The following SLC35A5 variants were observed in gnomAD, a reference collection of about 807,000 sequenced individuals.
SLC35A5 encodes the protein UDP-sugar transporter protein SLC35A5.
A neutral mutation model predicts 36.3 loss-of-function variants in SLC35A5; 28 were observed. That is an observed-to-expected ratio of 0.77 (90% CI 0.57 to 1.06). The LOEUF is 1.06. Ranked by LOEUF, SLC35A5 falls within the 50% of genes least tolerant of loss-of-function variation. The pLI, the probability that SLC35A5 is intolerant of heterozygous loss-of-function variation, is 0.00. For synonymous variants in SLC35A5, 180 were observed against 173.7 expected (o/e 1.04, Z -0.29); for missense variants, 521 against 499.3 (o/e 1.04, Z -0.41).
chr3:112,575,136 C>T (rs1934609489), intron 5 of SLC35A5, among the ~76,000 whole-genome samples: 1 of 152,008 alleles, frequency 6.6e-6, no homozygotes, highest in African/African-American at 2.4e-5. Flanking sequence ...GATAGATTAG[C>T]GATGTACTTC....
At position 112,584,247 on chromosome 3, in the gene SLC35A5, T is replaced by A. The variant is rs922982348; in HGVS notation, c.*1511T>A. 1 of 152,194 alleles carries A rather than the reference T, an allele frequency of 6.6e-6. No individual in the cohort carries two copies. The highest frequency in any genetic ancestry group is 2.4e-5 in the African/African-American group (1 of 41,450). The allele number at this position is 152,194 out of a possible 1,614,324, so 9.4% of individuals were successfully genotyped here. A position where few individuals can be genotyped will look rare whatever the true frequency, so the allele number is the denominator to read the frequency against. ...GTGAGACAAAAACCTACACAACTTT[T>A]AAAACTTTCTCTTTAAGTAGATCTT... is the stretch of plus-strand genomic sequence containing the variant. On this transcript the variant is annotated 3_prime_UTR_variant, in exon 7 of 7. Transcript: ENST00000492406.
At chr3:112,563,682 C>G (rs1225177382) in intron 2 of SLC35A5, 149 bp downstream of exon 2, 2 of 860,924 alleles carry the variant, frequency 2.3e-6, no homozygotes, top group Non-Finnish European at 3.2e-6. Flanking sequence ...ATTATTTAAC[C>G]TTGCATTCCT....
intron 5 of SLC35A5, among the ~76,000 whole-genome samples, chr3:112,574,538 G>C (rs186404931): frequency 6.6e-6 from 1 of 152,070 alleles, no homozygotes; most frequent in Non-Finnish European, 1.5e-5. Flanking sequence ...AGTAAATTAA[G>C]CTCTCTTCAA....
At chr3:112,580,460 A>G in intron 5 of SLC35A5, 86 bp from the exon 6 acceptor site, 2 of 1,419,154 alleles carry the variant, frequency 1.4e-6, no homozygotes, top group African/African-American at 1.4e-5. Context: ...TTATTCAACC[A>G]AATACTCAAG....
rs2107449040 is a variant in SLC35A5 at position 112,581,144 on chromosome 3, A to G, written c.1027A>G (p.Ile343Val). The G allele has an allele frequency of 6.2e-7, 1 of 1,614,006 alleles. No homozygotes were observed. Among genetic ancestry groups the G allele is most frequent in the East Asian group, 2.2e-5 (1 of 44,870 alleles). Residue 343 changes from isoleucine to valine, a missense_variant, in exon 6 of 7, where the codon ATC becomes GTC. Coordinates refer to ENST00000492406, the MANE Select transcript of SLC35A5 (RefSeq NM_017945.5). Reference sequence around the variant, plus strand: ...GATGGCCCAGGTTACCACTGTCATTATCACAACAGTGTCTGTCCTGGTCTT... The same window carrying G: ...GATGGCCCAGGTTACCACTGTCATTGTCACAACAGTGTCTGTCCTGGTCTT... ...VLMAQVTTVIITTVSVLVFDF... is the reference protein window; with the variant it reads ...VLMAQVTTVIVTTVSVLVFDF...
chr3:112,567,768 C>G (rs981118416), intron 2 of SLC35A5, among the ~76,000 whole-genome samples: 1 of 152,274 alleles, frequency 6.6e-6, no homozygotes, highest in East Asian at 1.9e-4. Flanking sequence ...GGTCTGGGAT[C>G]GGCCGTGAAA....
chr3:112,577,317 A>T (rs545704393), intron 5 of SLC35A5, among the ~76,000 whole-genome samples: 1 of 152,306 alleles, frequency 6.6e-6, no homozygotes, highest in South Asian at 2.1e-4. Flanking sequence ...TTTTCCAAGG[A>T]TTCAAACTTT....
In SLC35A5 at chr3:112,584,684, C is replaced by T. The variant is rs1400980502; in HGVS notation, c.*1948C>T. On this transcript the variant is annotated 3_prime_UTR_variant, in exon 7 of 7. Coordinates refer to ENST00000492406, the MANE Select transcript of SLC35A5 (RefSeq NM_017945.5). The stretch of plus-strand genomic sequence containing the variant: ...TCTATTCAACCCAGCAATCCCTCTA[C>T]TGGGTACCTACCCAAAGGAAAATAA... 1 of 152,190 alleles carries T rather than the reference C, an allele frequency of 6.6e-6. No individual in the cohort carries two copies. Among genetic ancestry groups the T allele is most frequent in the Non-Finnish European group, 1.5e-5 (1 of 68,042 alleles). 9.4% of individuals were successfully genotyped at this position (152,190 alleles called of 1,614,324 possible). A position where few individuals can be genotyped will look rare whatever the true frequency, so the allele number is the denominator to read the frequency against.
In SLC35A5 at chr3:112,580,796, A is replaced by G. The variant is rs768732529; in HGVS notation, c.679A>G (p.Ile227Val). 3 of 1,614,102 alleles carry G rather than the reference A, an allele frequency of 1.9e-6. No individual in the cohort carries two copies. In the African/African-American group the frequency reaches 4.0e-5, roughly 22 times the overall value. The part of the protein sequence containing the change: ...WNTTARVFSH[I>V]RLGMGHVLII... ...CACCACAGCCAGAGTTTTCAGTCACATCCGTCTTGGCATGGGCCATGTTCT... is the reference window on the plus strand; with the variant it reads ...CACCACAGCCAGAGTTTTCAGTCACGTCCGTCTTGGCATGGGCCATGTTCT... The change falls in exon 6 of 7, where the codon ATC becomes GTC. Residue 227 changes from isoleucine to valine, a missense_variant. Transcript: ENST00000492406.
chr3:112,581,431 TGGA>T, intron 6 of SLC35A5, 105 bp downstream of exon 6: 1 of 1,178,178 alleles, frequency 8.5e-7, no homozygotes, highest in Non-Finnish European at 1.2e-6. Flanking sequence ...AAGAATGTAT[TGGA>T]TCTCTGACTT....
rs550120019 is a variant in SLC35A5 at position 112,577,181 on chromosome 3, T to TA, written c.428+3226dup. Among the ~76,000 whole-genome samples the TA allele has an allele frequency of 9.9e-5, 15 of 152,172 alleles. No homozygotes were observed. The South Asian group carries it at 3.1e-3, about 32-fold the overall frequency. The stretch of plus-strand genomic sequence containing the variant: ...TAAGTCTGGTAACTACTGCAGGGAT[T>TA]ACTTGGAGGAATTTGAAAGTGGGAA... On this transcript the variant is annotated intron_variant, in intron 5 of 6. Transcript: ENST00000492406.
chr3:112,580,088 T>C (rs746638087), intron 5 of SLC35A5, among the ~76,000 whole-genome samples: 8 of 151,952 alleles, frequency 5.3e-5, no homozygotes, highest in Non-Finnish European at 1.0e-4. Flanking sequence ...TGGACACCTT[T>C]AAAGATTTGA....
chr3:112,582,951 G>T lies in SLC35A5; in HGVS notation c.*215G>T. On this transcript the variant is annotated 3_prime_UTR_variant, in exon 7 of 7. Coordinates refer to ENST00000492406, the MANE Select transcript of SLC35A5 (RefSeq NM_017945.5). ...ACTGATACAGGAGTAACAATATGAAGAATTCATTAATATCTCAGTACTTGA... is the reference window on the plus strand; with the variant it reads ...ACTGATACAGGAGTAACAATATGAATAATTCATTAATATCTCAGTACTTGA... 2 of 501,640 alleles carry T rather than the reference G, an allele frequency of 4.0e-6. No individual in the cohort carries two copies. Among genetic ancestry groups the T allele is most frequent in the Non-Finnish European group, 7.0e-6 (2 of 284,726 alleles). The allele number at this position is 501,640 out of a possible 1,614,324, so 31.1% of individuals were successfully genotyped here.
intron 6 of SLC35A5, among the ~76,000 whole-genome samples, chr3:112,581,879 G>C (rs1187307672): frequency 1.3e-5 from 2 of 152,176 alleles, no homozygotes; most frequent in Non-Finnish European, 2.9e-5. Context: ...TAGAAAGGTA[G>C]TTTTCAAGAG....
At chr3:112,566,186 G>A (rs117035369) in intron 2 of SLC35A5, among the ~76,000 whole-genome samples, 1 of 152,340 alleles carries the variant, frequency 6.6e-6, no homozygotes, top group East Asian at 1.9e-4. Flanking sequence ...TGGTTTGAAT[G>A]CTGAGTGGAT....
In SLC35A5 at chr3:112,582,633, A is replaced by C. The variant is rs915408019; in HGVS notation, c.1210-38A>C. On this transcript the variant is annotated intron_variant, in intron 6 of 6. Coordinates refer to ENST00000492406, the MANE Select transcript of SLC35A5 (RefSeq NM_017945.5). The stretch of plus-strand genomic sequence containing the variant: ...TTCCCTTTAAAAATGCTACATTTCC[A>C]GTTTTGTTCTAATTACTGCTTTCAT... 3 of 1,494,344 alleles carry C rather than the reference A, an allele frequency of 2.0e-6. No homozygotes were observed. The Admixed American group carries it at 5.1e-5, about 26-fold the overall frequency. 92.6% of individuals were successfully genotyped at this position (1,494,344 alleles called of 1,614,324 possible). A position where few individuals can be genotyped will look rare whatever the true frequency, so the allele number is the denominator to read the frequency against.
rs556312092 is a variant in SLC35A5 at position 112,575,961 on chromosome 3, T to C, written c.428+2005T>C. On this transcript the variant is annotated intron_variant, in intron 5 of 6. Transcript: ENST00000492406. ...TTTTAGTAGAGACAGAGTTTCACCA[T>C]TTTGGCCAGGCTGGCCTCAAACTCC... 1.2e-4 allele frequency among the ~76,000 whole-genome samples: 18 copies of C among 152,016 alleles called. No homozygotes were observed. In the South Asian group the frequency reaches 3.5e-3, roughly 30 times the overall value.
At position 112,573,946 on chromosome 3, in the gene SLC35A5, A is replaced by G; in HGVS notation, c.418A>G (p.Ile140Val). The change falls in exon 5 of 7, where the codon ATA becomes GTA. Residue 140 changes from isoleucine (I) to valine (V), a missense_variant. By Grantham distance (29) the Ile-to-Val change is conservative. Transcript: ENST00000492406. ...SIITTALLFR[I>V]VLKRRLNWIQ... ...TATAACAACAGCTCTTCTATTCAGGATAGTGCTGAAGTAAGTAACTTGCTG... is the reference window on the plus strand; with the variant it reads ...TATAACAACAGCTCTTCTATTCAGGGTAGTGCTGAAGTAAGTAACTTGCTG... 1 of 1,612,648 alleles carries G rather than the reference A, an allele frequency of 6.2e-7. No individual in the cohort carries two copies. Among genetic ancestry groups the G allele is most frequent in the Non-Finnish European group, 8.5e-7 (1 of 1,178,784 alleles).
intron 2 of SLC35A5, 50 bp from the exon 3 acceptor site, chr3:112,569,115 TATAAAC>T (rs1934320884): frequency 2.9e-6 from 4 of 1,362,768 alleles, no homozygotes; most frequent in Non-Finnish European, 4.2e-6. Flanking sequence ...TTATACTGTA[TATAAAC>T]ATACATGGAA....
Sources: allele counts gnomAD v4.1 joint callset (sites outside exome capture counted in the v4.1 genomes callset), GRCh38; gene constraint gnomAD v4.1.1; transcripts MANE v1.5; gene names NCBI Gene and HGNC (gene_info 2026-07-23, HGNC 2026-07-21).